The following XXYLT1 variants were observed in gnomAD, a reference collection of about 807,000 sequenced individuals.
XXYLT1 encodes the protein UDP-xylose:alpha-xyloside alpha-1,3-xylosyltransferase.
In XXYLT1, 20 loss-of-function variants were observed where a neutral mutation model predicts 28.9. The ratio of observed to expected loss-of-function variants is 0.69; its 90% CI spans 0.49 to 1.00. XXYLT1 has a LOEUF of 1.00. Ranked by LOEUF, XXYLT1 falls within the 50% of genes least tolerant of loss-of-function variation. XXYLT1 has a pLI of 0.00. For missense variants in XXYLT1, 542 were observed against 560.1 expected (o/e 0.97, Z 0.33); for synonymous variants, 257 against 253.8 (o/e 1.01, Z -0.12).
intron 1 of XXYLT1, among the ~76,000 whole-genome samples, chr3:195,254,990 C>T (rs1446195123): frequency 2.0e-5 from 3 of 152,148 alleles, no homozygotes; most frequent in African/African-American, 7.2e-5. Flanking sequence ...AAGAGACACA[C>T]GCCCATTCCC....
rs1389909742 is a variant in XXYLT1, at chr3:195,110,729, T to C, written c.786-40618A>G. Among the ~76,000 whole-genome samples the C allele has an allele frequency of 9.4e-4, 107 of 114,352 alleles. 27 individuals carry two copies. Among genetic ancestry groups the C allele is most frequent in the African/African-American group, 3.5e-3 (103 of 29,060 alleles). The allele number at this position is 114,352 out of a possible 152,430, so 75.0% of individuals were successfully genotyped here. On this transcript the variant is annotated intron_variant, in intron 3 of 3. Coordinates refer to ENST00000310380, the MANE Select transcript of XXYLT1 (RefSeq NM_152531.5). The stretch of plus-strand genomic sequence containing the variant: ...GTGGTGTGTGTGGTGTGTGTGTGTG[T>C]GCTGTATGTGTGCATGTGTGTGGTG...
intron 2 of XXYLT1, among the ~76,000 whole-genome samples, chr3:195,215,782 G>C (rs139154057): frequency 0.011 from 1,664 of 152,164 alleles, 22 homozygotes; most frequent in African/African-American, 0.037. Context: ...AAGTCAACAA[G>C]GATACCCACG....
At chr3:195,094,433 A>G (rs1442221989) in intron 3 of XXYLT1, among the ~76,000 whole-genome samples, 3 of 152,174 alleles carry the variant, frequency 2.0e-5, no homozygotes, top group African/African-American at 7.2e-5. Context: ...GAGTGGCCCG[A>G]CCAGGCTTCC....
intron 2 of XXYLT1, among the ~76,000 whole-genome samples, chr3:195,205,812 G>A (rs998804538): frequency 2.6e-5 from 4 of 152,104 alleles, no homozygotes; most frequent in African/African-American, 9.7e-5. Flanking sequence ...GCAGTCAGCC[G>A]AGATCGTGCC....
intron 3 of XXYLT1, among the ~76,000 whole-genome samples, chr3:195,113,734 C>A (rs1475419623): frequency 6.6e-6 from 1 of 152,152 alleles, no homozygotes; most frequent in East Asian, 1.9e-4. Context: ...TGCACAGCAC[C>A]CACAGGACCA....
At chr3:195,148,487 T>A (rs1237031081) in intron 3 of XXYLT1, among the ~76,000 whole-genome samples, 2 of 152,188 alleles carry the variant, frequency 1.3e-5, no homozygotes, top group African/African-American at 2.4e-5. Context: ...AAGAAATTCA[T>A]CTTCAGGTGT....
chr3:195,250,970 C>T (rs1297809530), intron 1 of XXYLT1, among the ~76,000 whole-genome samples: 3 of 152,238 alleles, frequency 2.0e-5, no homozygotes, highest in South Asian at 2.1e-4. Context: ...AAGCAGCACT[C>T]GTTTGCCTCT....
chr3:195,123,061 C>G (rs376950032), intron 3 of XXYLT1, among the ~76,000 whole-genome samples: 89 of 152,294 alleles, frequency 5.8e-4, no homozygotes, highest in African/African-American at 2.1e-3. Flanking sequence ...TCTCCATGTT[C>G]CCATTCGGCA....
intron 1 of XXYLT1, among the ~76,000 whole-genome samples, chr3:195,264,037 C>T (rs1725769020): frequency 6.6e-6 from 1 of 152,202 alleles, no homozygotes; most frequent in East Asian, 1.9e-4. Flanking sequence ...CCTCCTTGCA[C>T]ACTAACTCCT....
Position 195,076,355 on chromosome 3 carries a change from A to G in XXYLT1, c.786-6244T>C, listed in dbSNP as rs1023426404. On this transcript the variant is annotated intron_variant, in intron 3 of 3. Transcript: ENST00000310380. This position sits in a 1 kb window ranked among gnomAD's most constrained non-coding sequence, Gnocchi z 5.3. Reference sequence around the variant, plus strand: ...TCACGGGGCCGACTGCGGCACAGACATTGGAACTCGACCGCGCGTGTTCCC... The same window carrying G: ...TCACGGGGCCGACTGCGGCACAGACGTTGGAACTCGACCGCGCGTGTTCCC... Among the ~76,000 whole-genome samples the G allele has an allele frequency of 2.0e-5, 3 of 150,070 alleles. No individual in the cohort carries two copies. The South Asian group carries it at 6.5e-4, about 33-fold the overall frequency.
chr3:195,248,685 A>G (rs1005523454), intron 1 of XXYLT1, among the ~76,000 whole-genome samples: 3 of 152,208 alleles, frequency 2.0e-5, no homozygotes, highest in Non-Finnish European at 4.4e-5. Context: ...TGGGAGGCCA[A>G]GGCGGGTGGA....
At chr3:195,171,744 T>C (rs1186459659) in intron 2 of XXYLT1, among the ~76,000 whole-genome samples, 1 of 152,244 alleles carries the variant, frequency 6.6e-6, no homozygotes, top group Non-Finnish European at 1.5e-5. Flanking sequence ...ATGGTCTGGT[T>C]CCCAGAATGC....
intron 2 of XXYLT1, among the ~76,000 whole-genome samples, chr3:195,171,682 T>C (rs1721412300): frequency 6.6e-6 from 1 of 152,244 alleles, no homozygotes; most frequent in African/African-American, 2.4e-5. Flanking sequence ...CGCCATGCCC[T>C]GCCCTTTCTC....
chr3:195,270,265 CA>C, intron 1 of XXYLT1: 1 of 606,010 alleles, frequency 1.7e-6, no homozygotes, highest in Non-Finnish European at 2.7e-6. Flanking sequence ...GCAACGTTAG[CA>C]AAATGGGGGC....
At chr3:195,165,452 G>A (rs1721072437) in intron 2 of XXYLT1, among the ~76,000 whole-genome samples, 2 of 152,270 alleles carry the variant, frequency 1.3e-5, no homozygotes, top group Admixed American at 6.5e-5. Context: ...TTCTCCCTGG[G>A]ACCATGGAGG....
chr3:195,086,886 G>A (rs1218639836), intron 3 of XXYLT1, among the ~76,000 whole-genome samples: 1 of 152,180 alleles, frequency 6.6e-6, no homozygotes, highest in East Asian at 1.9e-4. Flanking sequence ...TGGCTATGGG[G>A]TCAGTGGCAG....
chr3:195,124,952 G>C lies in XXYLT1; in HGVS notation c.785+31497C>G, dbSNP rs1375306067. On this transcript the variant is annotated intron_variant, in intron 3 of 3. Coordinates refer to ENST00000310380, the MANE Select transcript of XXYLT1 (RefSeq NM_152531.5). The surrounding 1 kb of genome is among the most constrained non-coding windows in gnomAD (Gnocchi z 4.1). ...GGTTATTTGAAGGACAGAGGGAAAAGAGCAGTACGAATAAATGGCATCTCA... is the reference window on the plus strand; with the variant it reads ...GGTTATTTGAAGGACAGAGGGAAAACAGCAGTACGAATAAATGGCATCTCA... 6.6e-6 allele frequency among the ~76,000 whole-genome samples: 1 copy of C among 152,224 alleles called. No individual in the cohort carries two copies. The highest frequency in any genetic ancestry group is 1.5e-5 in the Non-Finnish European group (1 of 68,034).
intron 3 of XXYLT1, among the ~76,000 whole-genome samples, chr3:195,083,595 C>T (rs146380496): frequency 5.9e-5 from 9 of 152,196 alleles, no homozygotes; most frequent in South Asian, 4.2e-4. Flanking sequence ...AGAAAAATGA[C>T]GAGGAGGAGG....
intron 1 of XXYLT1, chr3:195,248,023 A>C (rs1725104374): frequency 1.9e-6 from 1 of 528,310 alleles, no homozygotes; most frequent in East Asian, 3.3e-5. Flanking sequence ...ATTTGGGTGG[A>C]GACACAGCCA....
Sources: allele counts gnomAD v4.1 joint callset (sites outside exome capture counted in the v4.1 genomes callset), GRCh38; gene constraint gnomAD v4.1.1; non-coding constraint Gnocchi (gnomAD v3.1); transcripts MANE v1.5; gene names NCBI Gene and HGNC (gene_info 2026-07-23, HGNC 2026-07-21).